The following SLCO1A2 variants were observed in gnomAD, a reference collection of about 807,000 sequenced individuals.
SLCO1A2 encodes OATP-1.
Under a neutral mutation model 69.0 loss-of-function variants are expected in SLCO1A2, and 67 were observed. The observed-to-expected ratio is 0.97, with a 90% CI of 0.80 to 1.19. The LOEUF is 1.19. SLCO1A2 is among the 50% of genes most tolerant of loss of function. The pLI, the probability that SLCO1A2 is intolerant of heterozygous loss-of-function variation, is 0.00. For synonymous variants in SLCO1A2, 260 were observed against 265.9 expected (o/e 0.98, Z 0.22); for missense variants, 787 against 793.7 (o/e 0.99, Z 0.10).
Position 21,350,738 on chromosome 12 carries a change from G to A in SLCO1A2, c.-62-16029C>T, listed in dbSNP as rs144093054. On this transcript the variant is annotated intron_variant, in intron 2 of 15. Transcript: ENST00000307378. ...TGTAGTCCCAGCTACTCAGAAGGCC[G>A]AGGCAGGGGAATCACTTGAACCCAG... is the stretch of plus-strand genomic sequence containing the variant. 1.8e-3 allele frequency among the ~76,000 whole-genome samples: 273 copies of A among 148,410 alleles called. 2 individuals carry two copies. Among genetic ancestry groups the A allele is most frequent in the African/African-American group, 6.2e-3 (251 of 40,564 alleles).
At chr12:21,374,567 T>C (rs1209355627) in intron 1 of SLCO1A2, 2 of 152,234 alleles carry the variant, frequency 1.3e-5, no homozygotes, top group Admixed American at 1.3e-4. Context: ...AGAGGCTTTT[T>C]GTCATTTCAA....
At chr12:21,290,811 G>T (rs1400600509) in intron 12 of SLCO1A2, among the ~76,000 whole-genome samples, 1 of 152,120 alleles carries the variant, frequency 6.6e-6, no homozygotes, top group Non-Finnish European at 1.5e-5. Context: ...AAACTTGTTA[G>T]ATTTTAGTAC....
chr12:21,349,604 A>G (rs917438807), intron 2 of SLCO1A2, among the ~76,000 whole-genome samples: 1 of 152,146 alleles, frequency 6.6e-6, no homozygotes, highest in Non-Finnish European at 1.5e-5. Context: ...GAAGTCCTCA[A>G]TCTTAACATA....
chr12:21,364,850 T>G (rs111958417), intron 2 of SLCO1A2, among the ~76,000 whole-genome samples: 49,230 of 151,912 alleles, frequency 0.32, 8,282 homozygotes, highest in East Asian at 0.46. Flanking sequence ...GGATGTGAAG[T>G]ACCTCTTCAA....
intron 1 of SLCO1A2, among the ~76,000 whole-genome samples, chr12:21,410,210 G>A (rs10841805): frequency 0.63 from 96,376 of 151,986 alleles, 30,675 homozygotes; most frequent in Middle Eastern, 0.76. Context: ...TCCATCACTA[G>A]TCTTCCGCTT....
chr12:21,307,007 A>G lies in SLCO1A2; in HGVS notation c.336-19T>C. On this transcript the variant is annotated intron_variant, in intron 4 of 14. Coordinates refer to ENST00000683939, the MANE Select transcript of SLCO1A2 (RefSeq NM_001386879.1). ...TTCATATCTGTATAAACACAGGGAA[A>G]ATGAGTTTATTTTAAGAAAGTAATG... is the stretch of plus-strand genomic sequence containing the variant. The G allele has an allele frequency of 1.3e-6, 2 of 1,537,054 alleles. No individual in the cohort carries two copies. Among genetic ancestry groups the G allele is most frequent in the Non-Finnish European group, 1.8e-6 (2 of 1,110,874 alleles).
intron 4 of SLCO1A2, among the ~76,000 whole-genome samples, chr12:21,314,188 C>G (rs768169681): frequency 1.8e-4 from 27 of 152,130 alleles, no homozygotes; most frequent in Non-Finnish European, 2.9e-4. Context: ...AGCCTTCAGA[C>G]TGCTCTGTCT....
intron 2 of SLCO1A2, among the ~76,000 whole-genome samples, chr12:21,361,292 A>G (rs571508534): frequency 6.6e-5 from 10 of 152,230 alleles, no homozygotes; most frequent in African/African-American, 9.6e-5. Flanking sequence ...GTGGACCTCC[A>G]GCAAACTCCA....
chr12:21,327,965 T>C (rs966658763), intron 2 of SLCO1A2, among the ~76,000 whole-genome samples: 9 of 152,130 alleles, frequency 5.9e-5, no homozygotes, highest in African/African-American at 2.2e-4. Context: ...ATAATCCCCA[T>C]GTGTCATGGG....
At chr12:21,343,824 T>C (rs112217381) in intron 2 of SLCO1A2, among the ~76,000 whole-genome samples, 2 of 152,080 alleles carry the variant, frequency 1.3e-5, no homozygotes, top group Admixed American at 6.6e-5. Context: ...GACATTTGCA[T>C]TGGAATGGAA....
At chr12:21,343,281 A>G (rs56246579) in intron 2 of SLCO1A2, among the ~76,000 whole-genome samples, 13,824 of 152,184 alleles carry the variant, frequency 0.091, 810 homozygotes, top group African/African-American at 0.16. Flanking sequence ...TCCCAGTCCT[A>G]TGATCATTTC....
chr12:21,347,284 T>G (rs1168984810), intron 2 of SLCO1A2, among the ~76,000 whole-genome samples: 1 of 152,110 alleles, frequency 6.6e-6, no homozygotes, highest in Non-Finnish European at 1.5e-5. Context: ...AGAGGCAGAA[T>G]GCCTATATCA....
chr12:21,383,162 A>G (rs1471048651), intron 1 of SLCO1A2, among the ~76,000 whole-genome samples: 6 of 152,160 alleles, frequency 3.9e-5, no homozygotes, highest in African/African-American at 7.2e-5. Flanking sequence ...TAAGGTTTTA[A>G]CTGGAAGAAA....
chr12:21,376,455 A>G (rs567732760), intron 1 of SLCO1A2: 1 of 185,042 alleles, frequency 5.4e-6, no homozygotes, highest in African/African-American at 2.4e-5. Flanking sequence ...CATTGGTCAT[A>G]TTTATGGTAC....
chr12:21,348,838 G>A (rs1052988246), intron 2 of SLCO1A2, among the ~76,000 whole-genome samples: 3 of 152,074 alleles, frequency 2.0e-5, no homozygotes, highest in Admixed American at 6.5e-5. Flanking sequence ...ATACAATAGC[G>A]GGCACATGTC....
At position 21,304,542 on chromosome 12, in the gene SLCO1A2, C is replaced by T. The variant is rs759797766; in HGVS notation, c.474G>A (p.Trp158Ter). 6.2e-7 allele frequency: 1 copy of T among 1,612,160 alleles called. No homozygotes were observed. Among genetic ancestry groups the T allele is most frequent in the Non-Finnish European group, 8.5e-7 (1 of 1,179,052 alleles). The change falls in exon 6 of 15, where the codon TGG (tryptophan) becomes TGA (stop). Residue 158 changes from tryptophan (W) to a stop codon, truncating the protein, a stop_gained. Coordinates refer to ENST00000683939, the MANE Select transcript of SLCO1A2 (RefSeq NM_001386879.1). LOFTEE classifies it high-confidence loss of function. ...ECTKEVKSLM[W>*]VYVLVGNIVR... is the part of the protein sequence containing the mutation. ...CAATATTGCCTACTAGGACGTACAC[C>T]CACATTAATGATTTAACTTCCTTTG... is the stretch of plus-strand genomic sequence containing the variant.
At chr12:21,415,574 T>C (rs1941976204) in intron 1 of SLCO1A2, among the ~76,000 whole-genome samples, 1 of 152,100 alleles carries the variant, frequency 6.6e-6, no homozygotes, top group Non-Finnish European at 1.5e-5. Context: ...TTAAGATGTT[T>C]TTCTGTGATG....
Position 21,295,636 on chromosome 12 carries a change from T to C in SLCO1A2, c.1232A>G (p.Glu411Gly), listed in dbSNP as rs1279431787. The C allele has an allele frequency of 2.5e-6, 4 of 1,602,976 alleles. No homozygotes were observed. In the South Asian group the frequency reaches 3.3e-5, roughly 13 times the overall value. Residue 411 changes from glutamate to glycine, a missense_variant, in exon 10 of 15, where the codon GAA (glutamate) becomes GGA (glycine). By Grantham distance (98) the Glu-to-Gly change is moderately conservative. Transcript: ENST00000683939. ...ATTTATTCCAACAACTGAAGAATTT[T>C]CACAAGTCATGAGAAAAGATAAAAA... ...LYFLSFLMTC[E>G]NSSVVGINTS...
upstream of SLCO1A2, among the ~76,000 whole-genome samples, chr12:21,396,247 C>T (rs1241758239): frequency 1.7e-4 from 26 of 150,632 alleles, no homozygotes; most frequent in South Asian, 4.2e-4. Context: ...GGAGCCGATG[C>T]GATCAACTGG....
Sources: gnomAD v4.1 joint callset for allele counts (sites outside exome capture counted in the v4.1 genomes callset) on GRCh38, gnomAD v4.1.1 for gene constraint, MANE v1.5 for transcripts, NCBI Gene and HGNC (gene_info 2026-07-23, HGNC 2026-07-21) for gene names.